HS6ST3: variants seen among roughly 807,000 people sequenced by gnomAD.
The protein encoded by HS6ST3 is heparan sulfate 6-O-sulfotransferase 3, also known as heparan-sulfate 6-O-sulfotransferase 3.
Under a neutral mutation model 36.7 loss-of-function variants are expected in HS6ST3, and 12 were observed. That is an observed-to-expected ratio of 0.33 (90% confidence interval 0.21 to 0.53). The LOEUF is 0.53. HS6ST3 is among the 20% of genes least tolerant of loss of function. The pLI, the probability that HS6ST3 is intolerant of heterozygous loss-of-function variation, is 0.95. For synonymous variants in HS6ST3, 240 were observed against 257.5 expected, an observed-to-expected ratio of 0.93 and a Z score of 0.65; for missense variants, 584 against 640.9, an observed-to-expected ratio of 0.91 and a Z score of 0.96.
chr13:96,134,606 G>T lies in HS6ST3; in HGVS notation c.707+43037G>T, dbSNP rs75665806. Among the ~76,000 whole-genome samples, 483 of 151,720 alleles carry T rather than the reference G, an allele frequency of 3.2e-3. 16 individuals are homozygous for T. In the East Asian group the frequency reaches 0.078, roughly 25 times the overall value. On this transcript the variant is annotated intron_variant, in intron 1 of 1. Coordinates refer to ENST00000376705, the MANE Select transcript of HS6ST3 (RefSeq NM_153456.4). ...TTTCATGTTTATTTATTTATCTATT[G>T]TTTTCCTGATATATTCCATTTCTTT...
intron 1 of HS6ST3, among the ~76,000 whole-genome samples, chr13:96,166,328 G>A (rs984846868): frequency 6.6e-6 from 1 of 151,992 alleles, no homozygotes; most frequent in Non-Finnish European, 1.5e-5. Flanking sequence ...TGACCCCTTG[G>A]TTCCTACTGT....
intron 1 of HS6ST3, among the ~76,000 whole-genome samples, chr13:96,649,912 C>A (rs78038980): frequency 1.3e-5 from 2 of 151,968 alleles, no homozygotes; most frequent in African/African-American, 4.8e-5. Flanking sequence ...GTCATACTCC[C>A]TCTTACTTAC....
At chr13:96,153,515 A>C (rs1053098776) in intron 1 of HS6ST3, among the ~76,000 whole-genome samples, 1 of 152,104 alleles carries the variant, frequency 6.6e-6, no homozygotes, top group Non-Finnish European at 1.5e-5. Flanking sequence ...GCTATGTGAA[A>C]GGTTAGGTTG....
At chr13:96,454,198 TG>T (rs1191134070) in intron 1 of HS6ST3, among the ~76,000 whole-genome samples, 1 of 152,138 alleles carries the variant, frequency 6.6e-6, no homozygotes, top group East Asian at 1.9e-4. Flanking sequence ...ATTAAGGGTC[TG>T]GAATTTAGGG....
At chr13:96,722,411 A>T (rs1042508342) in intron 1 of HS6ST3, among the ~76,000 whole-genome samples, 2 of 152,206 alleles carry the variant, frequency 1.3e-5, no homozygotes, top group African/African-American at 2.4e-5. Flanking sequence ...TTTTTTATAA[A>T]GTCTTTAATC....
At chr13:96,326,848 C>G (rs1349616473) in intron 1 of HS6ST3, among the ~76,000 whole-genome samples, 2 of 150,910 alleles carry the variant, frequency 1.3e-5, no homozygotes, top group African/African-American at 4.9e-5. Flanking sequence ...CTGTTGTTTC[C>G]TGACTTTTTA....
At chr13:96,687,671 T>G (rs140918211) in intron 1 of HS6ST3, among the ~76,000 whole-genome samples, 1 of 151,918 alleles carries the variant, frequency 6.6e-6, no homozygotes, top group Non-Finnish European at 1.5e-5. Flanking sequence ...ATCTAAACAT[T>G]ATTGCGGATA....
intron 1 of HS6ST3, among the ~76,000 whole-genome samples, chr13:96,468,752 T>C (rs1040623658): frequency 6.6e-6 from 1 of 152,188 alleles, no homozygotes. Flanking sequence ...ATTTAGAATT[T>C]TGGACATTTT....
chr13:96,130,902 G>A (rs1361323969), intron 1 of HS6ST3, among the ~76,000 whole-genome samples: 2 of 152,032 alleles, frequency 1.3e-5, no homozygotes, highest in African/African-American at 4.8e-5. Context: ...GCAGTTATTA[G>A]AAATGTCCAA....
At chr13:96,101,527 A>G (rs1011563594) in intron 1 of HS6ST3, among the ~76,000 whole-genome samples, 6 of 152,004 alleles carry the variant, frequency 3.9e-5, no homozygotes, top group Non-Finnish European at 2.9e-5. Context: ...CTAATACTAG[A>G]TACTAAAAAT....
chr13:96,302,461 TAG>T (rs2054888408), intron 1 of HS6ST3, among the ~76,000 whole-genome samples: 1 of 152,166 alleles, frequency 6.6e-6, no homozygotes, highest in Non-Finnish European at 1.5e-5. Context: ...GGTATTCAAA[TAG>T]ATAAATGGTT....
At chr13:96,293,353 A>G (rs2084958521) in intron 1 of HS6ST3, among the ~76,000 whole-genome samples, 1 of 152,096 alleles carries the variant, frequency 6.6e-6, no homozygotes, top group South Asian at 2.1e-4. Flanking sequence ...AGTTTGATAT[A>G]TCCAATTACC....
chr13:96,406,143 G>A (rs1037164981), intron 1 of HS6ST3, among the ~76,000 whole-genome samples: 7 of 152,008 alleles, frequency 4.6e-5, no homozygotes, highest in Admixed American at 1.3e-4. Flanking sequence ...GGATTAGTTC[G>A]GTTTAATTAC....
chr13:96,292,267 A>C (rs570134164), intron 1 of HS6ST3, among the ~76,000 whole-genome samples: 1 of 152,030 alleles, frequency 6.6e-6, no homozygotes, highest in Admixed American at 6.6e-5. Flanking sequence ...ATTACTTTAA[A>C]GTGATAGTTA....
In HS6ST3 at chr13:96,828,512, G is replaced by A. The variant is rs941066505; in HGVS notation, c.708-3978G>A. 2.6e-4 allele frequency among the ~76,000 whole-genome samples: 39 copies of A among 152,036 alleles called. 1 individual carries two copies. Among genetic ancestry groups the A allele is most frequent in the Admixed American group, 9.8e-4 (15 of 15,278 alleles). On this transcript the variant is annotated intron_variant, in intron 1 of 1. Coordinates refer to ENST00000376705, the MANE Select transcript of HS6ST3 (RefSeq NM_153456.4). ...GAGGTTTTCTTTCTTATAATATAGT[G>A]ACTATTTTTTAAGTAAATCTGACCA...
chr13:96,503,792 CT>C (rs1239558095), intron 1 of HS6ST3, among the ~76,000 whole-genome samples: 2 of 152,162 alleles, frequency 1.3e-5, no homozygotes, highest in East Asian at 3.9e-4. Context: ...TCTTAGTCTG[CT>C]TGGGCAGCCA....
chr13:96,244,042 A>G (rs903514422), intron 1 of HS6ST3, among the ~76,000 whole-genome samples: 1 of 152,156 alleles, frequency 6.6e-6, no homozygotes, highest in Admixed American at 6.5e-5. Flanking sequence ...GTTCAAATTA[A>G]AATGAATGTA....
At chr13:96,637,640 G>A (rs2056554461) in intron 1 of HS6ST3, among the ~76,000 whole-genome samples, 1 of 151,972 alleles carries the variant, frequency 6.6e-6, no homozygotes, top group Non-Finnish European at 1.5e-5. Flanking sequence ...ATGGTAATTG[G>A]CTCAACAAAT....
chr13:96,380,348 C>A (rs528371041), intron 1 of HS6ST3, among the ~76,000 whole-genome samples: 1 of 151,158 alleles, frequency 6.6e-6, no homozygotes, highest in South Asian at 2.1e-4. Context: ...TCATTGCTAC[C>A]TCTGCCTCCC....
Sources: gnomAD v4.1 joint callset for allele counts (sites outside exome capture counted in the v4.1 genomes callset) on GRCh38, gnomAD v4.1.1 for gene constraint, MANE v1.5 for transcripts, NCBI Gene and HGNC (gene_info 2026-07-23, HGNC 2026-07-21) for gene names.